ZNF568: variants seen among roughly 807,000 people sequenced by gnomAD.
ZNF568 encodes the protein p53 inhibitor of SCO2 activation.
A neutral mutation model predicts 18.1 loss-of-function variants in ZNF568; 11 were observed. The observed-to-expected ratio is 0.61, with a 90% confidence interval of 0.38 to 1.00. The LOEUF (loss-of-function observed/expected upper bound fraction) is 1.00, where lower values mean the gene tolerates loss of function less well. Ranked by LOEUF, ZNF568 falls within the 50% of genes least tolerant of loss-of-function variation. The pLI is 0.01. For synonymous variants in ZNF568, 213 were observed against 246.6 expected, an observed-to-expected ratio of 0.86 and a Z score of 1.28; for missense variants, 639 against 768.2, an observed-to-expected ratio of 0.83 and a Z score of 1.99.
At chr19:36,964,079 C>T (rs748225778) in intron 6 of ZNF568, among the ~76,000 whole-genome samples, 22 of 151,766 alleles carry the variant, frequency 1.4e-4, no homozygotes, top group Non-Finnish European at 2.6e-4. Context: ...TGCTTCTGAA[C>T]CTTTGTGAAA....
At chr19:36,924,680 A>C (rs2073521220) in intron 3 of ZNF568, among the ~76,000 whole-genome samples, 1 of 151,000 alleles carries the variant, frequency 6.6e-6, no homozygotes, top group African/African-American at 2.4e-5. Context: ...AATACAAAAA[A>C]GTTAGCCAGG....
chr19:36,959,965 C>A (rs146747568), intron 6 of ZNF568, among the ~76,000 whole-genome samples: 1 of 151,940 alleles, frequency 6.6e-6, no homozygotes, highest in East Asian at 1.9e-4. Context: ...TTTTGTGGAT[C>A]CTTCATATTG....
At chr19:36,943,823 T>C (rs1055656308) in intron 6 of ZNF568, among the ~76,000 whole-genome samples, 11 of 152,094 alleles carry the variant, frequency 7.2e-5, no homozygotes, top group African/African-American at 2.7e-4. Flanking sequence ...TCAGCCCGCT[T>C]TGGCCTCACA....
chr19:36,941,982 A>C (rs2073886506), intron 6 of ZNF568, among the ~76,000 whole-genome samples: 1 of 138,858 alleles, frequency 7.2e-6, no homozygotes, highest in African/African-American at 2.8e-5. Context: ...CTGCTCTGTA[A>C]ATTTTTTTTT....
chr19:36,940,886 T>C (rs2073869121), intron 6 of ZNF568, among the ~76,000 whole-genome samples: 1 of 152,216 alleles, frequency 6.6e-6, no homozygotes, highest in South Asian at 2.1e-4. Flanking sequence ...TTAGCGTGTC[T>C]GTTTGGGGGG....
At chr19:36,923,913 G>T (rs936659096) in intron 3 of ZNF568, among the ~76,000 whole-genome samples, 3 of 152,076 alleles carry the variant, frequency 2.0e-5, no homozygotes, top group Middle Eastern at 3.4e-3. Flanking sequence ...TCATTTGTCT[G>T]CTCTTTAGCT....
chr19:36,975,853 G>A (rs970173686), intron 7 of ZNF568, among the ~76,000 whole-genome samples: 1 of 151,472 alleles, frequency 6.6e-6, no homozygotes, highest in East Asian at 1.9e-4. Flanking sequence ...GCGCCACCAT[G>A]CCCAGCTAGT....
chr19:36,924,087 C>A (rs1273880685), intron 3 of ZNF568, among the ~76,000 whole-genome samples: 2 of 151,944 alleles, frequency 1.3e-5, no homozygotes, highest in East Asian at 1.9e-4. Context: ...AACCAAAAGG[C>A]CCTGAATTTT....
At chr19:36,929,053 A>G (rs1043299300) in intron 4 of ZNF568, among the ~76,000 whole-genome samples, 22 of 152,166 alleles carry the variant, frequency 1.4e-4, no homozygotes, top group Non-Finnish European at 7.3e-5. Flanking sequence ...AAAAGTATAA[A>G]AGAATGTCAT....
At chr19:36,920,815 T>G (rs2146264987) in intron 2 of ZNF568, among the ~76,000 whole-genome samples, 1 of 152,124 alleles carries the variant, frequency 6.6e-6, no homozygotes, top group South Asian at 2.1e-4. Flanking sequence ...CAACTTCCAG[T>G]TCTGCAAGTT....
chr19:36,932,103 C>T (rs2073696793), intron 4 of ZNF568, among the ~76,000 whole-genome samples: 1 of 152,120 alleles, frequency 6.6e-6, no homozygotes, highest in African/African-American at 2.4e-5. Flanking sequence ...TAGGGATATA[C>T]CACATTTTCT....
chr19:36,919,438 C>T (rs966454396), intron 2 of ZNF568, among the ~76,000 whole-genome samples: 13 of 152,124 alleles, frequency 8.5e-5, no homozygotes, highest in African/African-American at 3.1e-4. Flanking sequence ...TTTCCAGGGA[C>T]TGGGGGATGG....
At chr19:36,945,836 G>A (rs999484971) in intron 6 of ZNF568, among the ~76,000 whole-genome samples, 1 of 151,880 alleles carries the variant, frequency 6.6e-6, no homozygotes, top group African/African-American at 2.4e-5. Context: ...TCTCATACCT[G>A]TAATCCCAGC....
At chr19:36,947,409 T>C (rs1484321084) in intron 6 of ZNF568, among the ~76,000 whole-genome samples, 1 of 152,132 alleles carries the variant, frequency 6.6e-6, no homozygotes, top group Non-Finnish European at 1.5e-5. Flanking sequence ...CCAGCATTCA[T>C]GAGGCTAAAT....
chr19:36,990,715 A>G (rs2074416581), intron 2 of ZNF568, among the ~76,000 whole-genome samples: 1 of 152,246 alleles, frequency 6.6e-6, no homozygotes, highest in Non-Finnish European at 1.5e-5. Context: ...AGAACATTGT[A>G]TATATTATAT....
chr19:36,940,271 G>C (rs984148287), intron 6 of ZNF568, among the ~76,000 whole-genome samples: 2 of 152,126 alleles, frequency 1.3e-5, no homozygotes, highest in South Asian at 2.1e-4. Flanking sequence ...TTAATTATGA[G>C]TGCTCTTACC....
rs185838229 is a variant in ZNF568, at chr19:36,922,754, G to C, written c.-17G>C. ...GAGCTTGTCTTGACCCTTCTGCCCA[G>C]AGCAGGCAGGGTCTGAATGACATCT... On this transcript the variant is annotated 5_prime_UTR_variant, in exon 3 of 7. Transcript: ENST00000333987. The C allele has an allele frequency of 6.2e-7, 1 of 1,612,638 alleles. No homozygotes were observed. Among genetic ancestry groups the C allele is most frequent in the East Asian group, 2.2e-5 (1 of 44,870 alleles).
At chr19:36,922,972 T>C in intron 3 of ZNF568, 126 bp downstream of exon 3, 2 of 716,490 alleles carry the variant, frequency 2.8e-6, no homozygotes, top group Non-Finnish European at 4.5e-6. Context: ...AGGGGAGACA[T>C]TTGTTTTTAA....
chr19:36,919,140 A>G (rs972576420), intron 2 of ZNF568, among the ~76,000 whole-genome samples: 1 of 152,172 alleles, frequency 6.6e-6, no homozygotes, highest in African/African-American at 2.4e-5. Context: ...TTATATATAC[A>G]TGTGGTAATG....
Sources: allele counts gnomAD v4.1 joint callset (sites outside exome capture counted in the v4.1 genomes callset), GRCh38; gene constraint gnomAD v4.1.1; transcripts MANE v1.5; gene names NCBI Gene and HGNC (gene_info 2026-07-23, HGNC 2026-07-21).